CADM2: variants seen among roughly 807,000 people sequenced by gnomAD.
CADM2 encodes the protein immunoglobulin superfamily member 4D.
CADM2 carries 12 observed loss-of-function variants against 49.8 expected under a neutral mutation model. The observed-to-expected ratio is 0.24, with a 90% CI of 0.15 to 0.39. The LOEUF is 0.39. Among genes scored for constraint, CADM2 ranks in the 10% least tolerant of loss-of-function variants. The pLI, the probability that CADM2 is intolerant of heterozygous loss-of-function variation, is 1.00. For synonymous variants in CADM2, 214 were observed against 175.4 expected (o/e 1.22, Z -1.74); for missense variants, 378 against 492.3 (o/e 0.77, Z 2.20).
rs140439202 is a variant in CADM2, at chr3:85,348,199, T to C, written c.62-378323T>C. ...AATCCTCAGCCAATTGCAAAACTGC[T>C]GAAGTGTCAATATGAAGGCTCTCAG... On this transcript the variant is annotated intron_variant, in intron 1 of 9. Transcript: ENST00000383699. 5.9e-5 allele frequency among the ~76,000 whole-genome samples: 9 copies of C among 152,314 alleles called. No individual in the cohort carries two copies. The East Asian group carries it at 1.7e-3, about 29-fold the overall frequency.
At chr3:85,100,467 A>G (rs2037970774) in intron 1 of CADM2, among the ~76,000 whole-genome samples, 1 of 152,220 alleles carries the variant, frequency 6.6e-6, no homozygotes, top group Non-Finnish European at 1.5e-5. Flanking sequence ...AAAATAAAGC[A>G]TCAACCAAAA....
At chr3:85,244,593 C>T (rs1381437404) in intron 1 of CADM2, among the ~76,000 whole-genome samples, 2 of 152,108 alleles carry the variant, frequency 1.3e-5, no homozygotes, top group African/African-American at 2.4e-5. Flanking sequence ...CATTATTTCT[C>T]ATTTTCCAAG....
chr3:85,911,145 T>TA (rs1395145952), intron 5 of CADM2, among the ~76,000 whole-genome samples: 10 of 152,218 alleles, frequency 6.6e-5, no homozygotes, highest in Admixed American at 5.2e-4. Context: ...CTGAATGATG[T>TA]AAAAAAATGA....
intron 1 of CADM2, among the ~76,000 whole-genome samples, chr3:85,271,923 A>T (rs2043252392): frequency 2.6e-5 from 4 of 151,314 alleles, no homozygotes; most frequent in African/African-American, 9.7e-5. Context: ...ATATTCTAAA[A>T]ACTGTACAGC....
At position 85,549,621 on chromosome 3, in the gene CADM2, GTATTTATT is replaced by G. The variant is rs762176344; in HGVS notation, c.62-176884_62-176877del. Among the ~76,000 whole-genome samples, 7 of 151,622 alleles carry G rather than the reference GTATTTATT, an allele frequency of 4.6e-5. No individual in the cohort carries two copies. In the South Asian group the frequency reaches 1.3e-3, roughly 27 times the overall value. ...TCTGTGGTTATTAATATATTTAAAG[GTATTTATT>G]TATTTATTTATTTATTGAGACAGAG... On this transcript the variant is annotated intron_variant, in intron 1 of 9. Coordinates refer to ENST00000383699, the MANE Select transcript of CADM2 (RefSeq NM_001167675.2).
At chr3:85,334,347 A>T (rs1229007875) in intron 1 of CADM2, among the ~76,000 whole-genome samples, 1 of 151,606 alleles carries the variant, frequency 6.6e-6, no homozygotes, top group Non-Finnish European at 1.5e-5. Flanking sequence ...AAAAAATGAC[A>T]TATGGACTTC....
At chr3:85,251,948 T>A (rs575780772) in intron 1 of CADM2, among the ~76,000 whole-genome samples, 29 of 152,062 alleles carry the variant, frequency 1.9e-4, no homozygotes, top group African/African-American at 7.0e-4. Context: ...CTCTTGGTAA[T>A]TTATAGACTT....
intron 8 of CADM2, among the ~76,000 whole-genome samples, chr3:86,037,006 T>C (rs1735246953): frequency 1.3e-5 from 2 of 152,318 alleles, no homozygotes; most frequent in South Asian, 4.1e-4. Context: ...TTTCTATTAA[T>C]GCTGTTAACT....
intron 1 of CADM2, among the ~76,000 whole-genome samples, chr3:85,488,302 T>G (rs954517217): frequency 2.0e-5 from 3 of 152,140 alleles, no homozygotes; most frequent in African/African-American, 7.2e-5. Context: ...ATTCTGAGTA[T>G]TTGGCAAGAC....
At chr3:84,962,602 G>C (rs2030643961) in intron 1 of CADM2, among the ~76,000 whole-genome samples, 1 of 152,142 alleles carries the variant, frequency 6.6e-6, no homozygotes, top group South Asian at 2.1e-4. Context: ...AAAGGGTGGC[G>C]GGGGAACTAG....
At chr3:85,393,067 C>A (rs906432973) in intron 1 of CADM2, among the ~76,000 whole-genome samples, 1 of 140,340 alleles carries the variant, frequency 7.1e-6, no homozygotes. Flanking sequence ...AAGAGAAAAC[C>A]TGGAGGCAAA....
At chr3:85,282,357 G>A (rs1200130995) in intron 1 of CADM2, among the ~76,000 whole-genome samples, 3 of 148,664 alleles carry the variant, frequency 2.0e-5, no homozygotes, top group African/African-American at 7.4e-5. Context: ...CACCTCTCTG[G>A]GTCAAGTGAT....
rs368353193 is a variant in CADM2 at position 85,105,515 on chromosome 3, C to T, written c.61+145847C>T. ...TTGGTGGGACTGTCAACTAGTTCAA[C>T]CATTGTGGAAGTCAGTGTGGCAATT... On this transcript the variant is annotated intron_variant, in intron 1 of 9. Transcript: ENST00000383699. Among the ~76,000 whole-genome samples the T allele has an allele frequency of 1.1e-4, 16 of 152,274 alleles. No individual in the cohort carries two copies. In the East Asian group the frequency reaches 2.9e-3, roughly 28 times the overall value.
In CADM2 at chr3:86,012,749, G is replaced by A. The variant is rs1731696217; in HGVS notation, c.970+51102G>A. Reference sequence around the variant, plus strand: ...TCACGCCTGTAATCCCAGCACTTTGGGAGGCCGAGGAGGTCAGCAGATCGA... The same window carrying A: ...TCACGCCTGTAATCCCAGCACTTTGAGAGGCCGAGGAGGTCAGCAGATCGA... On this transcript the variant is annotated intron_variant, in intron 8 of 9. Transcript: ENST00000383699. The A allele has an allele frequency of 8.6e-6, 6 of 700,334 alleles. No individual in the cohort carries two copies. The Admixed American group carries it at 1.3e-4, about 15-fold the overall frequency. 43.4% of individuals were successfully genotyped at this position (700,334 alleles called of 1,614,324 possible).
intron 3 of CADM2, among the ~76,000 whole-genome samples, chr3:85,856,935 G>A (rs1183888496): frequency 1.3e-5 from 2 of 152,182 alleles, no homozygotes; most frequent in Non-Finnish European, 2.9e-5. Context: ...TCTGAAGGAT[G>A]TTGTCTTGGT....
At chr3:85,935,500 G>T (rs1342137562) in intron 6 of CADM2, among the ~76,000 whole-genome samples, 1 of 151,930 alleles carries the variant, frequency 6.6e-6, no homozygotes, top group Non-Finnish European at 1.5e-5. Context: ...ACCACATTTT[G>T]CAATTTCTCT....
chr3:85,739,339 A>C (rs985933128), intron 2 of CADM2, among the ~76,000 whole-genome samples: 1 of 152,092 alleles, frequency 6.6e-6, no homozygotes, highest in African/African-American at 2.4e-5. Flanking sequence ...TTTAGATGTC[A>C]ATTATCTTTA....
At chr3:85,009,588 G>A (rs1270289527) in intron 1 of CADM2, among the ~76,000 whole-genome samples, 2 of 152,092 alleles carry the variant, frequency 1.3e-5, no homozygotes, top group African/African-American at 4.8e-5. Flanking sequence ...TAGTTTGGCC[G>A]AGCTCAGTGG....
rs1576648079 is a variant in CADM2 at position 85,491,115 on chromosome 3, GA to G, written c.62-235405del. On this transcript the variant is annotated intron_variant, in intron 1 of 9. Coordinates refer to ENST00000383699, the MANE Select transcript of CADM2 (RefSeq NM_001167675.2). The stretch of plus-strand genomic sequence containing the variant: ...AATCAGGTACTGCATCAAATAAACT[GA>G]AGCTTCTACATTGCCCTGAGACATG... Among the ~76,000 whole-genome samples, 12 of 152,248 alleles carry G rather than the reference GA, an allele frequency of 7.9e-5. 1 individual carries two copies. In the East Asian group the frequency reaches 2.3e-3, roughly 29 times the overall value.
Sources: allele counts gnomAD v4.1 joint callset (sites outside exome capture counted in the v4.1 genomes callset), GRCh38; gene constraint gnomAD v4.1.1; transcripts MANE v1.5; gene names NCBI Gene and HGNC (gene_info 2026-07-23, HGNC 2026-07-21).